The following HIF1A variants were observed in gnomAD, a reference collection of about 807,000 sequenced individuals.
HIF1A encodes hypoxia inducible factor 1 subunit alpha, also known as hypoxia-inducible factor 1-alpha.
HIF1A carries 24 observed loss-of-function variants against 92.7 expected under a neutral mutation model. The ratio of observed to expected loss-of-function variants is 0.26; its 90% CI spans 0.19 to 0.36. The LOEUF (loss-of-function observed/expected upper bound fraction) is 0.36. HIF1A is among the 10% of genes least tolerant of loss of function. The pLI, the probability that HIF1A is intolerant of heterozygous loss-of-function variation, is 1.00. For synonymous variants in HIF1A, 319 were observed against 338.7 expected (o/e 0.94, Z 0.64); for missense variants, 799 against 998.5 (o/e 0.80, Z 2.69).
intron 2 of HIF1A, 69 bp from the exon 3 acceptor site, chr14:61,721,440 A>T: frequency 7.4e-7 from 1 of 1,347,070 alleles, no homozygotes. Context: ...TTGTAAAAAC[A>T]TCTAAATATT....
At chr14:61,726,500 ACT>A in intron 4 of HIF1A, 1 of 367,770 alleles carries the variant, frequency 2.7e-6, no homozygotes, top group Non-Finnish European at 4.9e-6. Context: ...CTTTCAGCCA[ACT>A]CAGGGAATCA....
intron 8 of HIF1A, among the ~76,000 whole-genome samples, chr14:61,736,059 C>T (rs1001390623): frequency 1.3e-5 from 2 of 150,602 alleles, no homozygotes; most frequent in Non-Finnish European, 2.9e-5. Flanking sequence ...GATCTTGGCT[C>T]ACTCCATTTC....
intron 1 of HIF1A, among the ~76,000 whole-genome samples, chr14:61,704,257 G>A (rs1011517066): frequency 6.6e-6 from 1 of 152,184 alleles, no homozygotes; most frequent in African/African-American, 2.4e-5. Flanking sequence ...CCTTCTTTGT[G>A]ATAATCTGAC....
chr14:61,713,001 C>A (rs560776034), intron 1 of HIF1A, among the ~76,000 whole-genome samples: 1 of 151,018 alleles, frequency 6.6e-6, no homozygotes, highest in Admixed American at 6.6e-5. Context: ...TGAATTAAAT[C>A]TTTAAAAGTT....
intron 1 of HIF1A, among the ~76,000 whole-genome samples, chr14:61,718,980 A>G (rs2044395021): frequency 6.6e-6 from 1 of 152,212 alleles, no homozygotes; most frequent in Non-Finnish European, 1.5e-5. Flanking sequence ...AAGTACTAAA[A>G]CTAGTATCAG....
In HIF1A at chr14:61,698,025, T is replaced by C. The variant is rs565273974; in HGVS notation, c.35+2186T>C. On this transcript the variant is annotated intron_variant, in intron 1 of 14. Coordinates refer to ENST00000337138, the MANE Select transcript of HIF1A (RefSeq NM_001530.4). ...TTCCTAGTTATAGGGGCTGAACTTA[T>C]TTAATAGCACGTGCATTTTGATTTT... 6.6e-6 allele frequency: 5 copies of C among 757,088 alleles called. No homozygotes were observed. In the African/African-American group the frequency reaches 7.3e-5, roughly 11 times the overall value. 46.9% of individuals were successfully genotyped at this position (757,088 alleles called of 1,614,324 possible). A position where few individuals can be genotyped will look rare whatever the true frequency, so the allele number is the denominator to read the frequency against.
chr14:61,712,035 T>C (rs997607724), intron 1 of HIF1A, among the ~76,000 whole-genome samples: 2 of 152,170 alleles, frequency 1.3e-5, no homozygotes, highest in African/African-American at 4.8e-5. Flanking sequence ...GAACTTACTT[T>C]CCAGTGAAGG....
At chr14:61,711,081 G>A (rs2044301830) in intron 1 of HIF1A, among the ~76,000 whole-genome samples, 1 of 149,430 alleles carries the variant, frequency 6.7e-6, no homozygotes, top group African/African-American at 2.4e-5. Flanking sequence ...ATAGGATTAG[G>A]TATCAACTTA....
intron 1 of HIF1A, among the ~76,000 whole-genome samples, chr14:61,696,264 C>G (rs541164608): frequency 6.6e-6 from 1 of 152,266 alleles, no homozygotes; most frequent in African/African-American, 2.4e-5. Context: ...CGCTCCTTCC[C>G]GCCCCCATCC....
At chr14:61,730,611 G>A (rs1226899514) in intron 6 of HIF1A, among the ~76,000 whole-genome samples, 1 of 152,086 alleles carries the variant, frequency 6.6e-6, no homozygotes, top group East Asian at 1.9e-4. Context: ...CTAGTCATAA[G>A]TCTCCTATAA....
intron 1 of HIF1A, among the ~76,000 whole-genome samples, chr14:61,702,462 A>G (rs2044189092): frequency 6.8e-6 from 1 of 146,420 alleles, no homozygotes; most frequent in Non-Finnish European, 1.5e-5. Flanking sequence ...AAAAAATTAA[A>G]AAGAATGTTT....
intron 1 of HIF1A, among the ~76,000 whole-genome samples, chr14:61,715,059 G>A (rs2044348126): frequency 6.6e-6 from 1 of 152,054 alleles, no homozygotes; most frequent in Non-Finnish European, 1.5e-5. Context: ...CAGTTTCTGT[G>A]ACTGCTAGAC....
Position 61,746,392 on chromosome 14 carries a change from C to CTTTTTTTTT in HIF1A, c.2330-528_2330-520dup, listed in dbSNP as rs754879947. 3.8e-3 allele frequency among the ~76,000 whole-genome samples: 190 copies of CTTTTTTTTT among 49,444 alleles called. 7 individuals are homozygous for CTTTTTTTTT. The highest frequency in any genetic ancestry group is 8.7e-3 in the African/African-American group (175 of 20,092). 32.4% of individuals were successfully genotyped at this position (49,444 alleles called of 152,430 possible). On this transcript the variant is annotated intron_variant, in intron 14 of 14. Coordinates refer to ENST00000337138, the MANE Select transcript of HIF1A (RefSeq NM_001530.4). The stretch of plus-strand genomic sequence containing the variant: ...TGAAATTTGTGAACTTTTATGACTT[C>CTTTTTTTTT]TTTTTTTTTTTTTTTTTTTTTTGAG...
At chr14:61,706,171 G>A (rs1000790370) in intron 1 of HIF1A, among the ~76,000 whole-genome samples, 2 of 152,178 alleles carry the variant, frequency 1.3e-5, no homozygotes, top group African/African-American at 4.8e-5. Context: ...AGGAAGCAAT[G>A]CAGAGAAAGA....
chr14:61,738,414 T>C, intron 10 of HIF1A, 41 bp downstream of exon 10: 7 of 1,460,980 alleles, frequency 4.8e-6, no homozygotes, highest in Non-Finnish European at 6.5e-6. Context: ...AACTTTCAGA[T>C]TTTAACATTC....
At chr14:61,719,002 TACA>T (rs1373572091) in intron 1 of HIF1A, among the ~76,000 whole-genome samples, 1 of 152,208 alleles carries the variant, frequency 6.6e-6, no homozygotes, top group Admixed American at 6.5e-5. Context: ...ATTGTCACAA[TACA>T]ACATGTTATA....
At chr14:61,734,054 T>C in intron 7 of HIF1A, 84 bp from the exon 8 acceptor site, 2 of 907,792 alleles carry the variant, frequency 2.2e-6, no homozygotes, top group African/African-American at 3.4e-5. Flanking sequence ...AAAACAATGA[T>C]GAACATTCAG....
At chr14:61,737,141 T>C in intron 9 of HIF1A, 32 bp downstream of exon 9, 1 of 1,475,034 alleles carries the variant, frequency 6.8e-7, no homozygotes. Context: ...TCCCCTAAAT[T>C]GTGTCTGTTG....
At chr14:61,727,358 C>A in intron 5 of HIF1A, 95 bp from the exon 6 acceptor site, 1 of 854,708 alleles carries the variant, frequency 1.2e-6, no homozygotes, top group South Asian at 1.5e-5. Context: ...TTTATCAAAG[C>A]TTACTGGCCA....
Sources: gnomAD v4.1 joint callset for allele counts (sites outside exome capture counted in the v4.1 genomes callset) on GRCh38, gnomAD v4.1.1 for gene constraint, MANE v1.5 for transcripts, NCBI Gene and HGNC (gene_info 2026-07-23, HGNC 2026-07-21) for gene names.